The following ELMOD3 variants were observed in gnomAD, a reference collection of about 807,000 sequenced individuals.
ELMOD3 encodes the protein ELMO domain containing 3.
A neutral mutation model predicts 47.4 loss-of-function variants in ELMOD3; 36 were observed. That is an observed-to-expected ratio of 0.76 (90% CI 0.58 to 1.00). The LOEUF is 1.00. ELMOD3 is among the 50% of genes least tolerant of loss of function. The pLI, the probability that ELMOD3 is intolerant of heterozygous loss-of-function variation, is 0.00. For missense variants in ELMOD3, 404 were observed against 463.8 expected, an observed-to-expected ratio of 0.87 and a Z score of 1.18; for synonymous variants, 149 against 183.5, an observed-to-expected ratio of 0.81 and a Z score of 1.52.
intron 11 of ELMOD3, among the ~76,000 whole-genome samples, chr2:85,381,833 T>A (rs1434894203): frequency 6.6e-6 from 1 of 152,020 alleles, no homozygotes; most frequent in African/African-American, 2.4e-5. Context: ...TGTTTAAGAT[T>A]TGGGCTGGGC....
intron 11 of ELMOD3, among the ~76,000 whole-genome samples, chr2:85,383,488 C>T (rs1449763290): frequency 6.6e-6 from 1 of 152,060 alleles, no homozygotes; most frequent in African/African-American, 2.4e-5. Context: ...TAAAACCCAA[C>T]CCCAGAGGGC....
chr2:85,356,152 A>G (rs72840077), intron 3 of ELMOD3: 3 of 152,358 alleles, frequency 2.0e-5, no homozygotes, highest in African/African-American at 4.8e-5. Context: ...GAGGGAAGCA[A>G]TGTCAGATGA....
At chr2:85,373,698 G>A (rs1684963588) in intron 10 of ELMOD3, among the ~76,000 whole-genome samples, 2 of 151,994 alleles carry the variant, frequency 1.3e-5, no homozygotes, top group African/African-American at 4.8e-5. Context: ...AATTAGCCAG[G>A]CATGGTGGCG....
intron 6 of ELMOD3, among the ~76,000 whole-genome samples, chr2:85,364,768 C>A (rs1338808051): frequency 1.4e-5 from 2 of 142,350 alleles, no homozygotes; most frequent in Non-Finnish European, 3.0e-5. Context: ...GGTGACAAAC[C>A]CAGCATTAAT....
intron 10 of ELMOD3, among the ~76,000 whole-genome samples, chr2:85,375,819 G>C (rs1178140677): frequency 1.3e-5 from 2 of 152,238 alleles, no homozygotes; most frequent in East Asian, 1.9e-4. Context: ...CTCTGGAAGA[G>C]AGTCCATTTC....
At chr2:85,366,977 G>A (rs895558605) in intron 6 of ELMOD3, among the ~76,000 whole-genome samples, 4 of 152,212 alleles carry the variant, frequency 2.6e-5, no homozygotes, top group African/African-American at 9.7e-5. Flanking sequence ...AGAAGATGCC[G>A]CTAGCAGTTT....
At chr2:85,390,719 G>T (rs1296376034) in intron 13 of ELMOD3, 41 bp from the exon 14 acceptor site, 1 of 1,545,690 alleles carries the variant, frequency 6.5e-7, no homozygotes, top group African/African-American at 1.4e-5. Context: ...GTCACCCAGA[G>T]CCCCCTCAAG....
chr2:85,358,279 CA>C (rs1019363756), intron 4 of ELMOD3, among the ~76,000 whole-genome samples: 2,041 of 55,782 alleles, frequency 0.037, 30 homozygotes, highest in African/African-American at 0.11. Context: ...ACTCTGTCTC[CA>C]AAAAAAAAAA....
intron 12 of ELMOD3, 125 bp downstream of exon 12, chr2:85,389,952 T>C: frequency 9.3e-7 from 1 of 1,077,272 alleles, no homozygotes; most frequent in Admixed American, 1.7e-5. Flanking sequence ...AAAGTCCCCA[T>C]GCACCGGTCT....
At chr2:85,360,324 A>G (rs1303765169) in intron 4 of ELMOD3, among the ~76,000 whole-genome samples, 1 of 147,216 alleles carries the variant, frequency 6.8e-6, no homozygotes, top group Non-Finnish European at 1.5e-5. Context: ...AACCATCTAT[A>G]TCCTTTTTCT....
At chr2:85,384,737 G>T (rs897178931) in intron 11 of ELMOD3, among the ~76,000 whole-genome samples, 1 of 152,060 alleles carries the variant, frequency 6.6e-6, no homozygotes, top group African/African-American at 2.4e-5. Flanking sequence ...GCCGTACCAT[G>T]CCCAGCTAAT....
intron 11 of ELMOD3, among the ~76,000 whole-genome samples, chr2:85,385,370 T>C (rs140484499): frequency 0.049 from 7,414 of 151,930 alleles, 272 homozygotes; most frequent in Non-Finnish European, 0.072. Flanking sequence ...CGAAGGGAGA[T>C]AGGGGTGGGG....
At chr2:85,386,558 C>T (rs1326464777) in intron 11 of ELMOD3, among the ~76,000 whole-genome samples, 1 of 151,842 alleles carries the variant, frequency 6.6e-6, no homozygotes, top group Non-Finnish European at 1.5e-5. Context: ...CTAATTTTTG[C>T]GTTTTTAGGA....
At position 85,389,881 on chromosome 2, in the gene ELMOD3, C is replaced by T. The variant is rs1247685565; in HGVS notation, c.815+54C>T. ...GTGACCCAGCAAAGCCTTGTTCGTC[C>T]CCACTCTGGCTTAATTTTCCCCAGC... On this transcript the variant is annotated intron_variant, in intron 12 of 13. Coordinates refer to ENST00000409013, the MANE Select transcript of ELMOD3 (RefSeq NM_001135022.2). 3.3e-6 allele frequency: 5 copies of T among 1,520,076 alleles called. No individual in the cohort carries two copies. In the South Asian group the frequency reaches 5.6e-5, roughly 17 times the overall value. The allele number at this position is 1,520,076 out of a possible 1,614,324, so 94.2% of individuals were successfully genotyped here. A position where few individuals can be genotyped will look rare whatever the true frequency, so the allele number is the denominator to read the frequency against.
At chr2:85,366,713 C>T (rs1020653972) in intron 6 of ELMOD3, among the ~76,000 whole-genome samples, 5 of 152,232 alleles carry the variant, frequency 3.3e-5, no homozygotes, top group Admixed American at 1.3e-4. Flanking sequence ...TAACTATCCT[C>T]TACTGCTTCC....
At chr2:85,363,223 A>G (rs1684112930) in intron 6 of ELMOD3, 57 bp downstream of exon 6, 4 of 911,964 alleles carry the variant, frequency 4.4e-6, no homozygotes, top group Non-Finnish European at 3.6e-6. Flanking sequence ...AGACCTTCCC[A>G]TGCATCTGCT....
intron 6 of ELMOD3, among the ~76,000 whole-genome samples, chr2:85,364,806 T>TAC (rs1410688740): frequency 2.8e-4 from 22 of 78,026 alleles, no homozygotes; most frequent in African/African-American, 8.2e-4. Context: ...TTTAAATACA[T>TAC]ATATATATAT....
intron 10 of ELMOD3, among the ~76,000 whole-genome samples, chr2:85,374,245 A>C (rs191039661): frequency 9.2e-5 from 14 of 152,288 alleles, no homozygotes; most frequent in African/African-American, 3.4e-4. Context: ...TCACACCTGT[A>C]ATCCCAGCAC....
chr2:85,384,413 GAA>G (rs970588621), intron 11 of ELMOD3, among the ~76,000 whole-genome samples: 1 of 152,152 alleles, frequency 6.6e-6, no homozygotes, highest in Admixed American at 6.5e-5. Context: ...CCCTGAAAGA[GAA>G]GAGTTAGCCT....
Sources: allele counts gnomAD v4.1 joint callset (sites outside exome capture counted in the v4.1 genomes callset), GRCh38; gene constraint gnomAD v4.1.1; transcripts MANE v1.5; gene names NCBI Gene and HGNC (gene_info 2026-07-23, HGNC 2026-07-21).